Variants in DPYD observed in about 807,000 individuals in gnomAD.
The protein encoded by DPYD is dihydropyrimidine dehydrogenase [NADP(+)].
Under a neutral mutation model 116.2 loss-of-function variants are expected in DPYD, and 109 were observed. The ratio of observed to expected loss-of-function variants is 0.94; its 90% CI spans 0.80 to 1.10. The LOEUF is 1.10. Ranked by LOEUF, DPYD falls within the 50% of genes least tolerant of loss-of-function variation. The probability of loss-of-function intolerance (pLI) is 0.00; values close to 1 mark genes in which losing one functional copy is unlikely to be tolerated. For missense variants in DPYD, 1,302 were observed against 1,254.5 expected, an observed-to-expected ratio of 1.04 and a Z score of -0.57; for synonymous variants, 440 against 432.0, an observed-to-expected ratio of 1.02 and a Z score of -0.23.
intron 3 of DPYD, among the ~76,000 whole-genome samples, chr1:97,784,494 G>A (rs1431625243): frequency 2.0e-5 from 3 of 152,070 alleles, no homozygotes; most frequent in Non-Finnish European, 2.9e-5. Context: ...AGTTTTATAA[G>A]ACTAAACTAT....
chr1:97,223,904 T>C lies in DPYD; in HGVS notation c.2442+10948A>G, dbSNP rs191379687. Among the ~76,000 whole-genome samples, 252 of 152,144 alleles carry C rather than the reference T, an allele frequency of 1.7e-3. 1 individual carries two copies. Among genetic ancestry groups the C allele is most frequent in the Non-Finnish European group, 2.0e-3 (138 of 67,896 alleles). ...TATTTTTCTCTTCATGAAGAAATAA[T>C]TGGCAGTCAGAAGCAAACTTCTTTT... On this transcript the variant is annotated intron_variant, in intron 19 of 22. Coordinates refer to ENST00000370192, the MANE Select transcript of DPYD (RefSeq NM_000110.4).
Position 97,699,414 on chromosome 1 carries a change from A to G in DPYD, c.617T>C (p.Leu206Ser). ...GATGTCAGAGTACCCCAATCGAGCC[A>G]AAAAGGAAGCACAACTTATACTTGC... ...GPASISCASF[L>S]ARLGYSDITI... The change falls in exon 6 of 23, where the codon TTG (leucine) becomes TCG (serine). Residue 206 changes from leucine (L) to serine (S), a missense_variant. Coordinates refer to ENST00000370192, the MANE Select transcript of DPYD (RefSeq NM_000110.4). 2.5e-6 allele frequency: 4 copies of G among 1,613,716 alleles called. No individual in the cohort carries two copies. Among genetic ancestry groups the G allele is most frequent in the Non-Finnish European group, 2.5e-6 (3 of 1,179,706 alleles).
chr1:97,407,692 C>A (rs1673743299), intron 14 of DPYD, among the ~76,000 whole-genome samples: 1 of 152,100 alleles, frequency 6.6e-6, no homozygotes, highest in African/African-American at 2.4e-5. Context: ...CGGTACTCTT[C>A]CTCCCATAGT....
intron 18 of DPYD, among the ~76,000 whole-genome samples, chr1:97,255,150 G>GTCCC: frequency 6.6e-6 from 1 of 152,092 alleles, no homozygotes; most frequent in East Asian, 1.9e-4. Flanking sequence ...TTTATTTTAT[G>GTCCC]TCCCCACTTA....
chr1:97,475,493 G>C (rs1333242680), intron 13 of DPYD, among the ~76,000 whole-genome samples: 2 of 152,104 alleles, frequency 1.3e-5, no homozygotes, highest in Non-Finnish European at 2.9e-5. Context: ...ATTCAAAATA[G>C]AGCTAGCATG....
At chr1:97,103,855 C>T (rs1650934420) in intron 20 of DPYD, among the ~76,000 whole-genome samples, 2 of 152,046 alleles carry the variant, frequency 1.3e-5, no homozygotes, top group African/African-American at 2.4e-5. Context: ...GCATGCCTGC[C>T]AATTTATTCC....
chr1:97,670,952 T>C (rs1414893650), intron 8 of DPYD, among the ~76,000 whole-genome samples: 1 of 151,804 alleles, frequency 6.6e-6, no homozygotes, highest in Admixed American at 6.6e-5. Context: ...GAAACATATA[T>C]AGAAAAATAT....
At chr1:97,449,331 T>C (rs933269980) in intron 14 of DPYD, among the ~76,000 whole-genome samples, 1 of 151,576 alleles carries the variant, frequency 6.6e-6, no homozygotes, top group Non-Finnish European at 1.5e-5. Flanking sequence ...ATAAGTTGTG[T>C]ATATTTGAAA....
intron 18 of DPYD, among the ~76,000 whole-genome samples, chr1:97,246,153 T>C (rs1241769924): frequency 1.3e-5 from 2 of 152,158 alleles, no homozygotes; most frequent in Non-Finnish European, 2.9e-5. Context: ...TACTGTTTAG[T>C]TGCTCTATCA....
intron 10 of DPYD, among the ~76,000 whole-genome samples, chr1:97,580,480 T>C (rs1045142746): frequency 2.6e-5 from 4 of 152,210 alleles, no homozygotes; most frequent in African/African-American, 9.6e-5. Context: ...TTAAATATTA[T>C]GTACAAAAAT....
intron 13 of DPYD, among the ~76,000 whole-genome samples, chr1:97,490,281 ACCTTCATCCT>A: frequency 6.7e-6 from 1 of 149,902 alleles, no homozygotes; most frequent in Non-Finnish European, 1.5e-5. Flanking sequence ...TCTGTCTCAT[ACCTTCATCCT>A]TTATTATTAT....
At chr1:97,463,676 T>C (rs1217726038) in intron 13 of DPYD, among the ~76,000 whole-genome samples, 1 of 152,112 alleles carries the variant, frequency 6.6e-6, no homozygotes, top group African/African-American at 2.4e-5. Context: ...CTGATAATGA[T>C]AAGGGCAATG....
intron 20 of DPYD, among the ~76,000 whole-genome samples, chr1:97,125,123 T>C (rs1162038513): frequency 3.3e-5 from 5 of 152,124 alleles, no homozygotes; most frequent in Non-Finnish European, 2.9e-5. Flanking sequence ...GCCACTTCTT[T>C]TGGGAAGTTA....
chr1:97,840,139 ATAAAGC>A, intron 2 of DPYD, among the ~76,000 whole-genome samples: 1 of 152,176 alleles, frequency 6.6e-6, no homozygotes, highest in East Asian at 1.9e-4. Flanking sequence ...AATGTTTGAG[ATAAAGC>A]TATAGTGGAT....
At chr1:97,245,007 T>G (rs1348518027) in intron 18 of DPYD, among the ~76,000 whole-genome samples, 1 of 152,100 alleles carries the variant, frequency 6.6e-6, no homozygotes, top group African/African-American at 2.4e-5. Context: ...TGGTGTCCAC[T>G]TCATATGAAA....
chr1:97,440,401 C>T (rs898676266), intron 14 of DPYD, among the ~76,000 whole-genome samples: 2 of 151,816 alleles, frequency 1.3e-5, no homozygotes, highest in African/African-American at 4.8e-5. Context: ...TTCTATTTGT[C>T]TCATCTCTTT....
At chr1:97,173,453 G>A (rs1657003808) in intron 20 of DPYD, among the ~76,000 whole-genome samples, 1 of 133,026 alleles carries the variant, frequency 7.5e-6, no homozygotes, top group Admixed American at 7.3e-5. Context: ...TATGTAAAAT[G>A]AGTATATATA....
chr1:97,096,872 C>T (rs1032197829), intron 21 of DPYD, among the ~76,000 whole-genome samples: 2 of 152,132 alleles, frequency 1.3e-5, no homozygotes, highest in African/African-American at 2.4e-5. Flanking sequence ...CTTGCTGCTG[C>T]TCACTCTTTG....
chr1:97,596,590 T>C (rs945822723), intron 8 of DPYD, among the ~76,000 whole-genome samples: 8 of 152,212 alleles, frequency 5.3e-5, no homozygotes, highest in African/African-American at 1.9e-4. Flanking sequence ...TGGGTCATTC[T>C]AGAGAGGCAG....
Sources: gnomAD v4.1 joint callset for allele counts (sites outside exome capture counted in the v4.1 genomes callset) on GRCh38, gnomAD v4.1.1 for gene constraint, MANE v1.5 for transcripts, NCBI Gene and HGNC (gene_info 2026-07-23, HGNC 2026-07-21) for gene names.